PXDNL: variants seen among roughly 807,000 people sequenced by gnomAD.
The protein encoded by PXDNL is peroxidasin like.
Under a neutral mutation model 150.8 loss-of-function variants are expected in PXDNL, and 145 were observed. The ratio of observed to expected loss-of-function variants is 0.96; its 90% CI spans 0.84 to 1.10. The LOEUF (loss-of-function observed/expected upper bound fraction) is 1.10, where lower values mean the gene tolerates loss of function less well. Ranked by LOEUF, PXDNL falls within the 50% of genes least tolerant of loss-of-function variation. The pLI is 0.00. For synonymous variants in PXDNL, 757 were observed against 725.7 expected (o/e 1.04, Z -0.69); for missense variants, 2,087 against 1,873.9 (o/e 1.11, Z -2.10).
At position 51,404,828 on chromosome 8, in the gene PXDNL, C is replaced by T. The variant is rs111955806; in HGVS notation, c.3557+3239G>A. ...AGTCCCACGCAGTGCGCCGGCACTCCTCAGCCCTTGGGCGGTCGATGGGAC... is the reference window on the plus strand; with the variant it reads ...AGTCCCACGCAGTGCGCCGGCACTCTTCAGCCCTTGGGCGGTCGATGGGAC... On this transcript the variant is annotated intron_variant, in intron 17 of 22. Transcript: ENST00000356297. Among the ~76,000 whole-genome samples, 1,027 of 152,350 alleles carry T rather than the reference C, an allele frequency of 6.7e-3. 8 individuals carry two copies. Among genetic ancestry groups the T allele is most frequent in the African/African-American group, 0.023 (971 of 41,592 alleles).
chr8:51,615,279 C>A (rs953966204), intron 2 of PXDNL, among the ~76,000 whole-genome samples: 6 of 151,714 alleles, frequency 4.0e-5, no homozygotes, highest in Non-Finnish European at 5.9e-5. Context: ...TTCTACTTCT[C>A]AGTCAACCTA....
chr8:51,785,308 C>T (rs1290842864), intron 1 of PXDNL, among the ~76,000 whole-genome samples: 2 of 151,960 alleles, frequency 1.3e-5, no homozygotes, highest in African/African-American at 4.8e-5. Flanking sequence ...AGGACATGCA[C>T]ATTCAAGGCA....
intron 3 of PXDNL, among the ~76,000 whole-genome samples, chr8:51,558,847 A>G (rs971680418): frequency 6.6e-6 from 1 of 152,094 alleles, no homozygotes; most frequent in African/African-American, 2.4e-5. Context: ...GCTGAAGAGT[A>G]ACAGACCAAT....
At chr8:51,683,164 C>CAT (rs71237228) in intron 1 of PXDNL, among the ~76,000 whole-genome samples, 1,329 of 44,414 alleles carry the variant, frequency 0.03, 56 homozygotes, top group Non-Finnish European at 0.032. Flanking sequence ...AATTGTCTTT[C>CAT]ATATATATAT....
At chr8:51,359,217 A>C (rs368305755) in intron 19 of PXDNL, among the ~76,000 whole-genome samples, 172 of 152,304 alleles carry the variant, frequency 1.1e-3, no homozygotes, top group African/African-American at 3.8e-3. Flanking sequence ...CCACTTTCTC[A>C]GTGAAAACAT....
intron 4 of PXDNL, among the ~76,000 whole-genome samples, chr8:51,544,392 C>A (rs79074231): frequency 3.9e-5 from 6 of 152,260 alleles, no homozygotes; most frequent in Non-Finnish European, 8.8e-5. Context: ...GATTACTCCT[C>A]CCTATGCTAT....
At chr8:51,800,971 AG>A (rs1394757428) in intron 1 of PXDNL, among the ~76,000 whole-genome samples, 2 of 152,222 alleles carry the variant, frequency 1.3e-5, no homozygotes, top group Non-Finnish European at 2.9e-5. Context: ...CAGTGATTTT[AG>A]GGAACAAGGG....
At chr8:51,361,541 G>T (rs1306284423) in intron 19 of PXDNL, among the ~76,000 whole-genome samples, 1 of 152,170 alleles carries the variant, frequency 6.6e-6, no homozygotes, top group Non-Finnish European at 1.5e-5. Context: ...ACATTTGCAT[G>T]TATAAATATC....
intron 1 of PXDNL, among the ~76,000 whole-genome samples, chr8:51,783,375 A>C (rs546635076): frequency 4.5e-4 from 69 of 152,354 alleles, no homozygotes; most frequent in Non-Finnish European, 7.3e-4. Flanking sequence ...GCCTTCACTA[A>C]TAGAGAATAA....
intron 17 of PXDNL, among the ~76,000 whole-genome samples, chr8:51,384,880 T>C (rs1017934749): frequency 2.0e-5 from 3 of 152,048 alleles, no homozygotes; most frequent in Non-Finnish European, 2.9e-5. Flanking sequence ...ATAAAAATAA[T>C]CATCTATACT....
At position 51,392,140 on chromosome 8, in the gene PXDNL, G is replaced by A. The variant is rs796981095; in HGVS notation, c.3557+15927C>T. The stretch of plus-strand genomic sequence containing the variant: ...AGTACCATGCTGTTTTGGTTACTGT[G>A]GCCTTGTAGTATAGTTTGAAGTCAG... On this transcript the variant is annotated intron_variant, in intron 17 of 22. Coordinates refer to ENST00000356297, the MANE Select transcript of PXDNL (RefSeq NM_144651.5). 4.6e-5 allele frequency among the ~76,000 whole-genome samples: 7 copies of A among 151,956 alleles called. No homozygotes were observed. In the East Asian group the frequency reaches 9.7e-4, roughly 21 times the overall value.
At chr8:51,595,403 G>A (rs1262428001) in intron 2 of PXDNL, among the ~76,000 whole-genome samples, 6 of 151,964 alleles carry the variant, frequency 3.9e-5, no homozygotes. Flanking sequence ...AATTTATAAA[G>A]AAAAATAGAA....
chr8:51,760,584 C>T (rs1193462773), intron 1 of PXDNL, among the ~76,000 whole-genome samples: 1 of 152,188 alleles, frequency 6.6e-6, no homozygotes, highest in African/African-American at 2.4e-5. Context: ...AGATCACCTT[C>T]TATTTGAATA....
intron 19 of PXDNL, among the ~76,000 whole-genome samples, chr8:51,355,088 A>G (rs1192724394): frequency 2.6e-5 from 4 of 152,168 alleles, no homozygotes; most frequent in Admixed American, 6.5e-5. Flanking sequence ...AAACTGTCAA[A>G]GACAAACCTG....
intron 19 of PXDNL, among the ~76,000 whole-genome samples, chr8:51,353,668 A>T: frequency 6.6e-6 from 1 of 152,170 alleles, no homozygotes. Context: ...ATATTTGAAG[A>T]TAAAGTTAAT....
chr8:51,535,729 A>AAT (rs1563454628), intron 4 of PXDNL, among the ~76,000 whole-genome samples: 2 of 136,870 alleles, frequency 1.5e-5, no homozygotes, highest in East Asian at 2.1e-4. Context: ...AAATAAATAA[A>AAT]TAAATAAATA....
chr8:51,597,061 C>T (rs900538626), intron 2 of PXDNL, among the ~76,000 whole-genome samples: 1 of 152,086 alleles, frequency 6.6e-6, no homozygotes, highest in African/African-American at 2.4e-5. Flanking sequence ...ATATTTAATC[C>T]ATCTTGAGTT....
In PXDNL at chr8:51,720,762, G is replaced by C. The variant is rs191595121; in HGVS notation, c.165-66002C>G. Among the ~76,000 whole-genome samples the C allele has an allele frequency of 3.9e-5, 6 of 152,320 alleles. No individual in the cohort carries two copies. In the East Asian group the frequency reaches 9.7e-4, roughly 25 times the overall value. On this transcript the variant is annotated intron_variant, in intron 1 of 22. Transcript: ENST00000356297. ...ACCATCACCTTTACAGCAGAATAAA[G>C]AGCATATTCACACAGTCGGCTAGTG...
chr8:51,792,245 G>A (rs923379628), intron 1 of PXDNL, among the ~76,000 whole-genome samples: 3 of 151,976 alleles, frequency 2.0e-5, no homozygotes, highest in Non-Finnish European at 4.4e-5. Flanking sequence ...TTCTCTCACT[G>A]GGACTGACTA....
Sources: allele counts gnomAD v4.1 joint callset (sites outside exome capture counted in the v4.1 genomes callset), GRCh38; gene constraint gnomAD v4.1.1; transcripts MANE v1.5; gene names NCBI Gene and HGNC (gene_info 2026-07-23, HGNC 2026-07-21).